The following ADAMTSL3 variants were observed in gnomAD, a reference collection of about 807,000 sequenced individuals.
ADAMTSL3 encodes the protein ADAMTS like 3, also known as ADAMTS-like protein 3.
Under a neutral mutation model 201.7 loss-of-function variants are expected in ADAMTSL3, and 128 were observed. The ratio of observed to expected loss-of-function variants is 0.63; its 90% confidence interval spans 0.55 to 0.73. The LOEUF (loss-of-function observed/expected upper bound fraction) is 0.73, where lower values mean the gene tolerates loss of function less well. ADAMTSL3 is among the 30% of genes least tolerant of loss of function. The pLI, the probability that ADAMTSL3 is intolerant of heterozygous loss-of-function variation, is 0.00. For missense variants in ADAMTSL3, 1,990 were observed against 2,119.6 expected, an observed-to-expected ratio of 0.94 and a Z score of 1.20; for synonymous variants, 738 against 748.4, an observed-to-expected ratio of 0.99 and a Z score of 0.23.
chr15:83,749,700 C>T lies in ADAMTSL3; in HGVS notation c.190-23823C>T, dbSNP rs150072297. 1.5e-3 allele frequency among the ~76,000 whole-genome samples: 224 copies of T among 152,184 alleles called. 6 individuals are homozygous for T. The East Asian group carries it at 0.021, about 14-fold the overall frequency. ...TGTGTTTTAAAGGGATACATCTGGCCTAGATGTAGAGGATGAATAGTAGTG... is the reference window on the plus strand; with the variant it reads ...TGTGTTTTAAAGGGATACATCTGGCTTAGATGTAGAGGATGAATAGTAGTG... On this transcript the variant is annotated intron_variant, in intron 3 of 29. Coordinates refer to ENST00000286744, the MANE Select transcript of ADAMTSL3 (RefSeq NM_207517.3).
chr15:83,983,414 A>C (rs2067424866), intron 21 of ADAMTSL3, 70 bp downstream of exon 21: 1 of 1,125,182 alleles, frequency 8.9e-7, no homozygotes, highest in Non-Finnish European at 1.2e-6. Context: ...TTTTCTTGAA[A>C]ATATTTTCAA....
chr15:84,000,228 C>A (rs1016708194), intron 23 of ADAMTSL3, among the ~76,000 whole-genome samples: 7 of 152,088 alleles, frequency 4.6e-5, no homozygotes, highest in African/African-American at 1.7e-4. Flanking sequence ...GAATTTATTT[C>A]CCCTGATCTG....
At chr15:83,838,309 T>G in intron 7 of ADAMTSL3, 94 bp downstream of exon 7, 3 of 1,468,190 alleles carry the variant, frequency 2.0e-6, no homozygotes, top group Non-Finnish European at 2.7e-6. Context: ...TTAAGCTTTT[T>G]TAGTTGGAAG....
chr15:83,965,893 A>ACT (rs1450530914), intron 19 of ADAMTSL3, among the ~76,000 whole-genome samples: 1 of 152,180 alleles, frequency 6.6e-6, no homozygotes, highest in African/African-American at 2.4e-5. Context: ...TCAAAACTGC[A>ACT]CAACTACATG....
At chr15:83,760,930 T>C (rs189429748) in intron 3 of ADAMTSL3, among the ~76,000 whole-genome samples, 33 of 152,284 alleles carry the variant, frequency 2.2e-4, no homozygotes, top group Non-Finnish European at 4.3e-4. Flanking sequence ...TGTCTTTTAA[T>C]TGGTGATTTA....
intron 19 of ADAMTSL3, among the ~76,000 whole-genome samples, chr15:83,965,333 C>A: frequency 1.7e-5 from 2 of 120,646 alleles, no homozygotes; most frequent in Admixed American, 1.0e-4. Flanking sequence ...GGAATATTTA[C>A]CAAGCAAATG....
At chr15:84,005,159 C>T (rs1253509924) in intron 23 of ADAMTSL3, among the ~76,000 whole-genome samples, 2 of 152,216 alleles carry the variant, frequency 1.3e-5, no homozygotes, top group Non-Finnish European at 2.9e-5. Context: ...CTTGAGATGT[C>T]ACCCCAAGAC....
intron 3 of ADAMTSL3, among the ~76,000 whole-genome samples, chr15:83,753,586 T>C (rs1259216153): frequency 6.6e-6 from 1 of 152,180 alleles, no homozygotes; most frequent in Admixed American, 6.5e-5. Context: ...TAACCATGGA[T>C]GGAAGTAAAT....
At chr15:83,960,415 G>T (rs942279732) in intron 19 of ADAMTSL3, among the ~76,000 whole-genome samples, 3 of 152,158 alleles carry the variant, frequency 2.0e-5, no homozygotes, top group Non-Finnish European at 2.9e-5. Context: ...GCCGAGCAGG[G>T]TATAGATTTC....
rs778318291 is a variant in ADAMTSL3, at chr15:84,014,663, C to T, written c.4095C>T (p.Tyr1365=). The T allele has an allele frequency of 1.4e-5, 23 of 1,611,360 alleles. No individual in the cohort carries two copies. The highest frequency in any genetic ancestry group is 1.7e-4 in the Middle Eastern group (1 of 6,058). The change falls in exon 24 of 30, where the codon TAC becomes TAT. Residue 1365 remains tyrosine (Y), a synonymous_variant. Transcript: ENST00000286744. ...QNVSLENEGT[Y]VCIATNALGK... ...TTTCCCTTGAAAATGAAGGAACCTA[C>T]GTCTGCATAGCCACCAATGCTCTTG... is the stretch of plus-strand genomic sequence containing the variant.
intron 5 of ADAMTSL3, among the ~76,000 whole-genome samples, chr15:83,818,989 C>T (rs2063811879): frequency 6.6e-6 from 1 of 152,092 alleles, no homozygotes; most frequent in South Asian, 2.1e-4. Flanking sequence ...AAAACAACGA[C>T]AGGCCGGGCA....
chr15:83,766,346 T>A (rs2062890386), intron 3 of ADAMTSL3, among the ~76,000 whole-genome samples: 1 of 152,154 alleles, frequency 6.6e-6, no homozygotes, highest in Non-Finnish European at 1.5e-5. Context: ...TTGGTATAGT[T>A]TGTGTGAGAA....
chr15:83,818,748 G>A (rs2063808286), intron 5 of ADAMTSL3, among the ~76,000 whole-genome samples: 1 of 152,142 alleles, frequency 6.6e-6, no homozygotes, highest in African/African-American at 2.4e-5. Flanking sequence ...TATCTGGTGG[G>A]CGGAATCAGT....
At chr15:83,814,479 C>T (rs947031825) in intron 5 of ADAMTSL3, among the ~76,000 whole-genome samples, 2 of 152,162 alleles carry the variant, frequency 1.3e-5, no homozygotes, top group African/African-American at 4.8e-5. Flanking sequence ...TTATGGATAA[C>T]GAATTTATTT....
intron 19 of ADAMTSL3, 134 bp downstream of exon 19, chr15:83,943,216 G>GTGCT (rs2066596554): frequency 9.9e-7 from 1 of 1,006,398 alleles, no homozygotes; most frequent in Non-Finnish European, 1.4e-6. Context: ...ATTTAAGGAG[G>GTGCT]TGCTCACTCA....
chr15:83,831,012 A>T (rs957508672), intron 6 of ADAMTSL3, among the ~76,000 whole-genome samples: 1 of 152,206 alleles, frequency 6.6e-6, no homozygotes. Context: ...ACAACTAATG[A>T]AGTAAAGTTT....
intron 6 of ADAMTSL3, among the ~76,000 whole-genome samples, chr15:83,837,221 T>C (rs908142261): frequency 1.3e-5 from 2 of 151,606 alleles, no homozygotes; most frequent in African/African-American, 4.8e-5. Context: ...TGGAGATACA[T>C]AGGCATAGGT....
chr15:83,838,042 C>T (rs746560344), intron 6 of ADAMTSL3, 47 bp from the exon 7 acceptor site: 1 of 1,579,968 alleles, frequency 6.3e-7, no homozygotes, highest in Non-Finnish European at 8.6e-7. Flanking sequence ...GAGAGCTCCC[C>T]CTCCCCTGGC....
chr15:83,917,573 T>C (rs1054736817), intron 16 of ADAMTSL3, among the ~76,000 whole-genome samples: 3 of 152,218 alleles, frequency 2.0e-5, no homozygotes, highest in African/African-American at 7.2e-5. Flanking sequence ...TAGTACCCTC[T>C]GGTAAGGTTT....
Sources: gnomAD v4.1 joint callset for allele counts (sites outside exome capture counted in the v4.1 genomes callset) on GRCh38, gnomAD v4.1.1 for gene constraint, MANE v1.5 for transcripts, NCBI Gene and HGNC (gene_info 2026-07-23, HGNC 2026-07-21) for gene names.